The following BMPR1B variants were observed in gnomAD, a reference collection of about 807,000 sequenced individuals.
BMPR1B encodes bone morphogenetic protein receptor type 1B.
In BMPR1B, 12 loss-of-function variants were observed where a neutral mutation model predicts 59.1. The ratio of observed to expected loss-of-function variants is 0.20; its 90% confidence interval spans 0.13 to 0.33. The LOEUF (loss-of-function observed/expected upper bound fraction) is 0.33. Among genes scored for constraint, BMPR1B ranks in the 10% least tolerant of loss-of-function variants. The pLI, the probability that BMPR1B is intolerant of heterozygous loss-of-function variation, is 1.00. For synonymous variants in BMPR1B, 237 were observed against 207.3 expected (o/e 1.14, Z -1.23); for missense variants, 550 against 610.9 (o/e 0.90, Z 1.05).
At chr4:95,045,362 G>A (rs1291518966) in intron 3 of BMPR1B, among the ~76,000 whole-genome samples, 1 of 152,146 alleles carries the variant, frequency 6.6e-6, no homozygotes. Flanking sequence ...CTTACCTCCA[G>A]AAATGAAGAC....
intron 4 of BMPR1B, among the ~76,000 whole-genome samples, chr4:95,112,103 C>T (rs561739961): frequency 6.6e-6 from 1 of 152,224 alleles, no homozygotes; most frequent in African/African-American, 2.4e-5. Flanking sequence ...TGAAATGTTA[C>T]ATCAATTGTC....
At chr4:94,856,319 C>T (rs572691666) in intron 1 of BMPR1B, among the ~76,000 whole-genome samples, 16 of 152,200 alleles carry the variant, frequency 1.1e-4, no homozygotes, top group East Asian at 7.7e-4. Flanking sequence ...TCACTGATGC[C>T]GCCTCCTGAC....
chr4:94,885,525 C>T (rs1727139956), intron 2 of BMPR1B, among the ~76,000 whole-genome samples: 1 of 152,024 alleles, frequency 6.6e-6, no homozygotes, highest in Non-Finnish European at 1.5e-5. Context: ...TTGGTGCTAA[C>T]ATATTTATCA....
chr4:94,962,107 C>T (rs1390729936), intron 2 of BMPR1B, among the ~76,000 whole-genome samples: 1 of 134,332 alleles, frequency 7.4e-6, no homozygotes, highest in African/African-American at 3.3e-5. Flanking sequence ...TTCCTTCCTT[C>T]CTTCCTTCCT....
At position 95,123,884 on chromosome 4, in the gene BMPR1B, A is replaced by G; in HGVS notation, c.424A>G (p.Ile142Val). The change falls in exon 7 of 13, where the codon ATC (isoleucine) becomes GTC (valine). Residue 142 changes from isoleucine to valine, a missense_variant. Physicochemically the swap from Ile to Val is conservative, Grantham distance 29 (BLOSUM62 3). Around this residue, in one of 6 missense-constraint regions of BMPR1B, gnomAD observed 318 missense variants for 284.6 expected, o/e 1.12. Coordinates refer to ENST00000515059, the MANE Select transcript of BMPR1B (RefSeq NM_001203.3). ...VTVCSLLLVL[I>V]ILFCYFRYKR... ...TGTCTGTAGTTTGCTCTTGGTCCTT[A>G]TCATATTATTTTGTTACTTCCGGTA... is the stretch of plus-strand genomic sequence containing the variant. 6.2e-7 allele frequency: 1 copy of G among 1,611,390 alleles called. No individual in the cohort carries two copies. Among genetic ancestry groups the G allele is most frequent in the Admixed American group, 1.7e-5 (1 of 59,952 alleles).
intron 3 of BMPR1B, among the ~76,000 whole-genome samples, chr4:95,042,332 T>G (rs560542327): frequency 1.3e-5 from 2 of 152,190 alleles, no homozygotes; most frequent in Non-Finnish European, 2.9e-5. Flanking sequence ...GAGATAATGG[T>G]GATGCCAAAC....
At position 94,762,740 on chromosome 4, in the gene BMPR1B, A is replaced by G. The variant is rs145577731; in HGVS notation, c.-183+4672A>G. ...CCTGAATAAGGCCATGTGGGTGGCT[A>G]TGAAAATGATGTAGCTGAGAGTTTG... On this transcript the variant is annotated intron_variant, in intron 1 of 12. Coordinates refer to ENST00000515059, the MANE Select transcript of BMPR1B (RefSeq NM_001203.3). Among the ~76,000 whole-genome samples the G allele has an allele frequency of 3.9e-3, 596 of 152,330 alleles. 1 individual carries two copies. The highest frequency in any genetic ancestry group is 5.3e-3 in the Non-Finnish European group (361 of 68,038).
chr4:94,816,119 T>C (rs1357814077), intron 1 of BMPR1B, among the ~76,000 whole-genome samples: 1 of 152,192 alleles, frequency 6.6e-6, no homozygotes, highest in Admixed American at 6.5e-5. Flanking sequence ...TTCATATATC[T>C]GAAAATGGTT....
At chr4:95,151,200 G>C (rs1836262) in intron 11 of BMPR1B, among the ~76,000 whole-genome samples, 16,316 of 152,166 alleles carry the variant, frequency 0.11, 2,134 homozygotes, top group African/African-American at 0.31. Flanking sequence ...TTGAAAACTT[G>C]ATTACATGAC....
chr4:95,075,410 A>G (rs941712703), intron 3 of BMPR1B, among the ~76,000 whole-genome samples: 2 of 152,156 alleles, frequency 1.3e-5, no homozygotes, highest in Non-Finnish European at 2.9e-5. Context: ...GCGGTACTTT[A>G]TTTTCACATG....
chr4:94,808,393 ATAATTT>A (rs1366430920), intron 1 of BMPR1B, among the ~76,000 whole-genome samples: 1 of 152,212 alleles, frequency 6.6e-6, no homozygotes, highest in East Asian at 1.9e-4. Flanking sequence ...GCAACATTAC[ATAATTT>A]TAATTTTAAT....
chr4:94,978,976 A>ACACG (rs1361154021), intron 2 of BMPR1B, among the ~76,000 whole-genome samples: 3 of 151,776 alleles, frequency 2.0e-5, no homozygotes, highest in Non-Finnish European at 4.4e-5. Context: ...ACACACACAC[A>ACACG]CACGAAAGGT....
chr4:95,119,168 G>A (rs1732289136), intron 6 of BMPR1B, among the ~76,000 whole-genome samples: 1 of 152,096 alleles, frequency 6.6e-6, no homozygotes, highest in Non-Finnish European at 1.5e-5. Flanking sequence ...GATAGTTCTA[G>A]TTTTGGTTGA....
chr4:94,963,149 T>C (rs1730434430), intron 2 of BMPR1B, among the ~76,000 whole-genome samples: 1 of 152,232 alleles, frequency 6.6e-6, no homozygotes, highest in Non-Finnish European at 1.5e-5. Context: ...TCAGGTTTTT[T>C]GCCCATTTTT....
chr4:94,779,435 A>G (rs1340381205), intron 1 of BMPR1B, among the ~76,000 whole-genome samples: 1 of 152,236 alleles, frequency 6.6e-6, no homozygotes, highest in Non-Finnish European at 1.5e-5. Flanking sequence ...GAATAGAAAT[A>G]GTGATAATGA....
In BMPR1B at chr4:94,863,278, A is replaced by G. The variant is rs369126820; in HGVS notation, c.-182-12553A>G. Among the ~76,000 whole-genome samples the G allele has an allele frequency of 1.9e-4, 29 of 152,338 alleles. No individual in the cohort carries two copies. The South Asian group carries it at 4.3e-3, about 23-fold the overall frequency. On this transcript the variant is annotated intron_variant, in intron 1 of 12. Coordinates refer to ENST00000515059, the MANE Select transcript of BMPR1B (RefSeq NM_001203.3). ...AATAAAACGTACACCAAACCCTACG[A>G]CACACAATTTATCTATAGAACAAAC...
At chr4:95,008,262 T>C (rs931483644) in intron 3 of BMPR1B, among the ~76,000 whole-genome samples, 9 of 152,150 alleles carry the variant, frequency 5.9e-5, no homozygotes, top group African/African-American at 2.2e-4. Context: ...TAAAAAGTCA[T>C]AAAAATGTGA....
intron 3 of BMPR1B, among the ~76,000 whole-genome samples, chr4:95,102,094 C>T (rs1412731732): frequency 6.6e-6 from 1 of 152,166 alleles, no homozygotes; most frequent in Non-Finnish European, 1.5e-5. Context: ...ACCTAATCCT[C>T]TAGTGTTGTA....
At chr4:94,807,815 G>C (rs932426640) in intron 1 of BMPR1B, among the ~76,000 whole-genome samples, 2 of 152,100 alleles carry the variant, frequency 1.3e-5, no homozygotes, top group Non-Finnish European at 2.9e-5. Context: ...CTCCCAAGTA[G>C]CTGGGATTAC....
Sources: gnomAD v4.1 joint callset for allele counts (sites outside exome capture counted in the v4.1 genomes callset) on GRCh38, gnomAD v4.1.1 for gene constraint, gnomAD v4.1.1 regional missense constraint, MANE v1.5 for transcripts, NCBI Gene and HGNC (gene_info 2026-07-23, HGNC 2026-07-21) for gene names.